Variants in ANKRD26 observed in about 807,000 individuals in gnomAD.
ANKRD26 encodes the protein ankyrin repeat domain 26, also known as ankyrin repeat domain-containing protein 26.
Under a neutral mutation model 208.7 loss-of-function variants are expected in ANKRD26, and 141 were observed. That is an observed-to-expected ratio of 0.68 (90% CI 0.59 to 0.78). ANKRD26 has a LOEUF of 0.78. Among genes scored for constraint, ANKRD26 ranks in the 30% least tolerant of loss-of-function variants. ANKRD26 has a pLI of 0.00. For missense variants in ANKRD26, 1,889 were observed against 1,938.7 expected (o/e 0.97, Z 0.48); for synonymous variants, 636 against 660.4 (o/e 0.96, Z 0.57).
chr10:26,995,373 T>C (rs114056235), intron 4 of ANKRD26, among the ~76,000 whole-genome samples: 3,745 of 152,260 alleles, frequency 0.025, 131 homozygotes, highest in African/African-American at 0.085. Flanking sequence ...TCTCATACAG[T>C]GAGGCAGCCC....
chr10:27,023,725 A>C (rs565036972), intron 28 of ANKRD26, among the ~76,000 whole-genome samples: 2 of 149,964 alleles, frequency 1.3e-5, no homozygotes, highest in African/African-American at 4.9e-5. Context: ...GAATCAGAAC[A>C]AACGTAAGTA....
intron 20 of ANKRD26, among the ~76,000 whole-genome samples, chr10:27,042,773 A>C (rs1033100199): frequency 6.8e-6 from 1 of 147,598 alleles, no homozygotes; most frequent in African/African-American, 2.5e-5. Flanking sequence ...CAAACAAACA[A>C]ACACAAAAAA....
Position 27,048,917 on chromosome 10 carries a change from A to G in ANKRD26, c.1698T>C (p.Asp566=). ...CATCTTCAGCATCATCAGTAGCACC[A>G]TCATGTATGTTTGCTGATACTTCCA... The part of the protein sequence containing the change: ...NEMEVSANIH[D]GATDDAEDDD... Residue 566 remains aspartate (D), a synonymous_variant, in exon 17 of 34, where the codon GAT becomes GAC. Transcript: ENST00000376087. 1 of 1,612,108 alleles carries G rather than the reference A, an allele frequency of 6.2e-7. No homozygotes were observed. The highest frequency in any genetic ancestry group is 1.1e-5 in the South Asian group (1 of 90,776).
At chr10:27,094,632 C>T (rs2056407941) in intron 1 of ANKRD26, among the ~76,000 whole-genome samples, 1 of 152,150 alleles carries the variant, frequency 6.6e-6, no homozygotes, top group South Asian at 2.1e-4. Flanking sequence ...ATATAATTAC[C>T]ATTACTACTG....
Position 27,014,474 on chromosome 10 carries a change from G to A in ANKRD26, c.4724+20C>T. On this transcript the variant is annotated intron_variant, in intron 31 of 33. Transcript: ENST00000376087. ...TTAATGAGCTTAATTTATTTCCTAT[G>A]ATTCTATATTTTGACTTACTTGGTT... The A allele has an allele frequency of 2.0e-6, 3 of 1,493,624 alleles. No individual in the cohort carries two copies. Among genetic ancestry groups the A allele is most frequent in the Middle Eastern group, 2.4e-4 (1 of 4,158 alleles). 92.5% of individuals were successfully genotyped at this position (1,493,624 alleles called of 1,614,324 possible).
At chr10:27,034,330 A>C (rs1014177858) in intron 24 of ANKRD26, among the ~76,000 whole-genome samples, 1 of 152,250 alleles carries the variant, frequency 6.6e-6, no homozygotes, top group South Asian at 2.1e-4. Flanking sequence ...AAAAGTATTA[A>C]GAGATATAGC....
In ANKRD26 at chr10:27,013,006, G is replaced by A. The variant is rs973415258; in HGVS notation, c.4829C>T (p.Pro1610Leu). The A allele has an allele frequency of 4.3e-6, 7 of 1,613,902 alleles. No homozygotes were observed. The highest frequency in any genetic ancestry group is 2.7e-5 in the African/African-American group (2 of 74,906). The change falls in exon 32 of 34, where the codon CCT becomes CTT. Residue 1610 changes from proline to leucine, a missense_variant. Coordinates refer to ENST00000376087, the MANE Select transcript of ANKRD26 (RefSeq NM_014915.3). ...ACTATTATTAAGATTTCCCACACAA[G>A]GTGGCTCCATGACTGGCCTGGTAGT... Reference protein sequence around the residue: ...TLTTRPVMEPPCVGNLNNSLD... With the variant: ...TLTTRPVMEPLCVGNLNNSLD...
chr10:27,028,728 A>T (rs2053763128), intron 27 of ANKRD26, 124 bp downstream of exon 27: 2 of 751,876 alleles, frequency 2.7e-6, no homozygotes, highest in African/African-American at 3.6e-5. Context: ...ATTCCAAAAT[A>T]AAAAAAAATC....
chr10:27,035,539 T>C lies in ANKRD26; in HGVS notation c.2911A>G (p.Ile971Val), dbSNP rs1012198828. The change falls in exon 24 of 34, where the codon ATA becomes GTA. Residue 971 changes from isoleucine to valine, a missense_variant. This residue lies in a region of ANKRD26 where 1,272 missense variants were observed against 1,273.8 expected (regional missense o/e 1.00). Coordinates refer to ENST00000376087, the MANE Select transcript of ANKRD26 (RefSeq NM_014915.3). Reference protein sequence around the residue: ...KQNEETLTQTISQYNGRLSVL... With the variant: ...KQNEETLTQTVSQYNGRLSVL... ...CTAAGCCGTCCATTATACTGGGATA[T>C]TGTTTGTGTTAATGTTTCCTCATTC... 3 of 1,613,998 alleles carry C rather than the reference T, an allele frequency of 1.9e-6. No individual in the cohort carries two copies. Among genetic ancestry groups the C allele is most frequent in the Non-Finnish European group, 1.7e-6 (2 of 1,179,904 alleles).
intron 1 of ANKRD26, among the ~76,000 whole-genome samples, chr10:27,097,374 T>C (rs2056502656): frequency 1.3e-5 from 2 of 148,766 alleles, no homozygotes; most frequent in Non-Finnish European, 3.0e-5. Context: ...GGCAGGAGAA[T>C]CGCTTGAACC....
chr10:27,055,394 G>A (rs1396016787), intron 15 of ANKRD26, among the ~76,000 whole-genome samples: 1 of 152,144 alleles, frequency 6.6e-6, no homozygotes, highest in African/African-American at 2.4e-5. Context: ...ATAGCTTGCA[G>A]TCACTACTCT....
intron 4 of ANKRD26, among the ~76,000 whole-genome samples, chr10:26,997,676 A>G (rs2052623494): frequency 6.6e-6 from 1 of 152,186 alleles, no homozygotes; most frequent in Admixed American, 6.5e-5. Context: ...TCCAGGGTCT[A>G]AAATCCCTCG....
rs1253246664 is a variant in ANKRD26 at position 27,100,209 on chromosome 10, A to G, written c.118T>C (p.Tyr40His). ...CCGAGATCTCGGTCTCGGACGTGGT[A>G]GCCGGGCTGCGAGTAGGCGCCCTCC... Reference protein sequence around the residue: ...PGEGAYSQPGYHVRDRDLGKI... With the variant: ...PGEGAYSQPGHHVRDRDLGKI... Residue 40 changes from tyrosine (Y) to histidine (H), a missense_variant, in exon 1 of 34, where the codon TAC (tyrosine) becomes CAC (histidine). Coordinates refer to ENST00000376087, the MANE Select transcript of ANKRD26 (RefSeq NM_014915.3). 6.2e-7 allele frequency: 1 copy of G among 1,613,458 alleles called. No homozygotes were observed. The highest frequency in any genetic ancestry group is 8.5e-7 in the Non-Finnish European group (1 of 1,179,914).
chr10:27,046,224 A>T (rs2054438395), intron 18 of ANKRD26, 129 bp downstream of exon 18: 2 of 987,464 alleles, frequency 2.0e-6, no homozygotes, highest in Non-Finnish European at 3.0e-6. Flanking sequence ...ACTTGTCCTC[A>T]TCTTAATCTT....
intron 9 of ANKRD26, among the ~76,000 whole-genome samples, chr10:27,076,709 C>T (rs570708101): frequency 6.6e-6 from 1 of 152,070 alleles, no homozygotes; most frequent in Admixed American, 6.6e-5. Context: ...CTCAAGACTA[C>T]TATAAAAACC....
At chr10:27,007,272 A>C in intron 32 of ANKRD26, among the ~76,000 whole-genome samples, 1 of 152,204 alleles carries the variant, frequency 6.6e-6, no homozygotes, top group South Asian at 2.1e-4. Flanking sequence ...CATAGTTTGA[A>C]ATGAATGCAT....
chr10:27,037,930 C>T lies in ANKRD26; in HGVS notation c.2500G>A (p.Glu834Lys), dbSNP rs2054096698. Residue 834 changes from glutamate to lysine, a missense_variant, in exon 22 of 34, where the codon GAA (glutamate) becomes AAA (lysine). By Grantham distance (56) the Glu-to-Lys change is moderately conservative. This residue lies in a region of ANKRD26 where 1,272 missense variants were observed against 1,273.8 expected (regional missense o/e 1.00). Transcript: ENST00000376087. ...ATCTCCAGTGTTTGGAGACTCAGTT[C>T]AAGCTGTTGTTTCACTTCAACTTCT... is the stretch of plus-strand genomic sequence containing the variant. The part of the protein sequence containing the change: ...RKEVEVKQQL[E>K]LSLQTLEMEL... 1.9e-6 allele frequency: 3 copies of T among 1,613,396 alleles called. No individual in the cohort carries two copies. Among genetic ancestry groups the T allele is most frequent in the Non-Finnish European group, 2.5e-6 (3 of 1,179,762 alleles).
At chr10:27,076,828 T>C (rs1483672418) in intron 9 of ANKRD26, among the ~76,000 whole-genome samples, 1 of 151,952 alleles carries the variant, frequency 6.6e-6, no homozygotes, top group Non-Finnish European at 1.5e-5. Flanking sequence ...AGACCAGTAA[T>C]AAGCAGTGAG....
rs201195807 is a variant in ANKRD26 at position 27,024,546 on chromosome 10, T to G, written c.3986A>C (p.Lys1329Thr). 5 of 1,557,532 alleles carry G rather than the reference T, an allele frequency of 3.2e-6. No individual in the cohort carries two copies. The East Asian group carries it at 9.0e-5, about 28-fold the overall frequency. Reference sequence around the variant, plus strand: ...TTCCATAAGTTTCTTTAATTGTTCCTTTTCATCTTCAGACTTTGAAACAAA... The same window carrying G: ...TTCCATAAGTTTCTTTAATTGTTCCGTTTCATCTTCAGACTTTGAAACAAA... ...LLNANLSEDE[K>T]EQLKKLMELK... Residue 1329 changes from lysine to threonine, a missense_variant, in exon 28 of 34, where the codon AAG becomes ACG. This residue lies in a region of ANKRD26 where 613 missense variants were observed against 648.2 expected (regional missense o/e 0.95). Coordinates refer to ENST00000376087, the MANE Select transcript of ANKRD26 (RefSeq NM_014915.3).
Sources: gnomAD v4.1 joint callset for allele counts (sites outside exome capture counted in the v4.1 genomes callset) on GRCh38, gnomAD v4.1.1 for gene constraint, gnomAD v4.1.1 regional missense constraint, MANE v1.5 for transcripts, NCBI Gene and HGNC (gene_info 2026-07-23, HGNC 2026-07-21) for gene names.